The following DMD variants were observed in gnomAD, a reference collection of about 807,000 sequenced individuals.
DMD encodes the protein mutant dystrophin.
In DMD, 63 loss-of-function variants were observed where a neutral mutation model predicts 330.1. The ratio of observed to expected loss-of-function variants is 0.19; its 90% confidence interval spans 0.16 to 0.24. The LOEUF is 0.24. Among genes scored for constraint, DMD ranks in the 10% least tolerant of loss-of-function variants. The pLI is 1.00. For synonymous variants in DMD, 1,223 were observed against 959.8 expected (o/e 1.27, Z -5.07); for missense variants, 3,344 against 2,684.1 (o/e 1.25, Z -5.43).
chrX:31,373,879 A>G (rs1170183272), intron 60 of DMD, among the ~76,000 whole-genome samples: 1 of 109,555 alleles, frequency 9.1e-6, no homozygotes, highest in Non-Finnish European at 1.9e-5. Flanking sequence ...CAGAGTGAAC[A>G]GGCAACCTAC....
At chrX:33,067,080 A>C (rs1380118891) in intron 1 of DMD, among the ~76,000 whole-genome samples, 1 of 112,483 alleles carries the variant, frequency 8.9e-6, no homozygotes, top group Non-Finnish European at 1.9e-5. Flanking sequence ...TGAAAGAGAC[A>C]GAAAACACAG....
intron 2 of DMD, among the ~76,000 whole-genome samples, chrX:32,855,998 G>A (rs187650861): frequency 2.7e-5 from 3 of 111,703 alleles, no homozygotes; most frequent in Admixed American, 9.5e-5. Context: ...TTGAAAGAAG[G>A]GCAAAAATTT....
intron 44 of DMD, among the ~76,000 whole-genome samples, chrX:32,041,283 C>T (rs769191508): frequency 2.4e-4 from 27 of 111,755 alleles, no homozygotes; most frequent in Non-Finnish European, 4.0e-4. Flanking sequence ...CTGTTTCGCC[C>T]ACATTGAAAA....
intron 44 of DMD, among the ~76,000 whole-genome samples, chrX:32,041,562 G>A (rs1425704463): frequency 1.8e-5 from 2 of 111,735 alleles, no homozygotes; most frequent in African/African-American, 6.5e-5. Flanking sequence ...TCATATGTTT[G>A]AGTGTTTTGT....
At chrX:32,335,895 GT>G (rs1421997316) in intron 41 of DMD, among the ~76,000 whole-genome samples, 1 of 102,998 alleles carries the variant, frequency 9.7e-6, no homozygotes, top group African/African-American at 3.6e-5. Flanking sequence ...TATATAACAT[GT>G]TATACATATA....
chrX:32,355,253 T>C (rs2097795117), intron 37 of DMD, among the ~76,000 whole-genome samples: 1 of 111,043 alleles, frequency 9.0e-6, no homozygotes, highest in Admixed American at 9.6e-5. Flanking sequence ...GGCAGTAAAC[T>C]ATGCTGAGTC....
chrX:32,290,623 T>A (rs2097463098), intron 42 of DMD, among the ~76,000 whole-genome samples: 1 of 112,333 alleles, frequency 8.9e-6, no homozygotes, highest in African/African-American at 3.2e-5. Flanking sequence ...TTCTTCCTAG[T>A]ACGAATTTTG....
intron 2 of DMD, among the ~76,000 whole-genome samples, chrX:32,975,127 AT>A (rs1235436699): frequency 1.0e-4 from 11 of 106,861 alleles, no homozygotes; most frequent in Middle Eastern, 4.8e-3. Context: ...TTGAAGCATC[AT>A]TTTTTTTTTC....
Position 32,518,064 on chromosome X carries a change from C to G in DMD, c.2236G>C (p.Glu746Gln). ...CCTTCCTTCCGAAAGATTGCAAATT[C>G]AGGACTCTGCAACACAGCTTCTGAG... Reference protein sequence around the residue: ...TRSEAVLQSPEFAIFRKEGNF... With the variant: ...TRSEAVLQSPQFAIFRKEGNF... The change falls in exon 18 of 79, where the codon GAA becomes CAA. Residue 746 changes from glutamate to glutamine, a missense_variant. Transcript: ENST00000357033. 2 of 1,209,726 alleles carry G rather than the reference C, an allele frequency of 1.7e-6. No homozygotes were observed. The highest frequency in any genetic ancestry group is 3.0e-5 in the East Asian group (1 of 33,812).
chrX:32,007,214 TATAATAATAATAATA>T (rs200080398), intron 44 of DMD, among the ~76,000 whole-genome samples: 3 of 94,465 alleles, frequency 3.2e-5, no homozygotes, highest in Admixed American at 1.2e-4. Flanking sequence ...AAACTTAAAG[TATAATAATAATAATA>T]ATAATAATAA....
At chrX:32,234,642 G>T (rs912626081) in intron 43 of DMD, among the ~76,000 whole-genome samples, 2 of 111,762 alleles carry the variant, frequency 1.8e-5, no homozygotes, top group Non-Finnish European at 3.8e-5. Context: ...TACTCGTTTT[G>T]ATCACATATC....
intron 44 of DMD, among the ~76,000 whole-genome samples, chrX:32,108,486 C>A (rs1454909230): frequency 9.0e-6 from 1 of 111,424 alleles, no homozygotes. Flanking sequence ...AGAACAAGAA[C>A]AAACACTAGC....
At chrX:31,801,752 G>A (rs1285871029) in intron 50 of DMD, among the ~76,000 whole-genome samples, 3 of 111,389 alleles carry the variant, frequency 2.7e-5, no homozygotes, top group African/African-American at 6.5e-5. Flanking sequence ...TAGGTAAGGA[G>A]GAGGCAGAGT....
intron 11 of DMD, among the ~76,000 whole-genome samples, chrX:32,630,414 A>G (rs1457078464): frequency 9.2e-6 from 1 of 108,703 alleles, no homozygotes; most frequent in African/African-American, 3.4e-5. Flanking sequence ...AGGTAGTCTT[A>G]TTTATATTAT....
intron 7 of DMD, among the ~76,000 whole-genome samples, chrX:32,745,414 G>T (rs1045038057): frequency 8.9e-6 from 1 of 111,946 alleles, no homozygotes; most frequent in Non-Finnish European, 1.9e-5. Context: ...TCTTTCTCTT[G>T]TCTTTTGAAA....
chrX:32,518,608 G>A (rs2046100507), intron 17 of DMD, among the ~76,000 whole-genome samples: 1 of 111,321 alleles, frequency 9.0e-6, no homozygotes, highest in South Asian at 3.7e-4. Flanking sequence ...AGTACTGCAA[G>A]TAAGGTTTTG....
chrX:31,490,243 A>G (rs1351197841), intron 57 of DMD, among the ~76,000 whole-genome samples: 1 of 112,456 alleles, frequency 8.9e-6, no homozygotes, highest in East Asian at 2.8e-4. Context: ...TAGAAACTCT[A>G]AGAGGCCAGG....
intron 4 of DMD, among the ~76,000 whole-genome samples, chrX:32,833,752 A>T (rs973202084): frequency 6.9e-4 from 75 of 108,330 alleles, no homozygotes; most frequent in Non-Finnish European, 9.8e-4. Flanking sequence ...CTTGAGTGAC[A>T]TTATAAGAAA....
At position 32,907,006 on chromosome X, in the gene DMD, T is replaced by A. The variant is rs766823090; in HGVS notation, c.94-57186A>T. On this transcript the variant is annotated intron_variant, in intron 2 of 78. Transcript: ENST00000357033. ...AAAGAACTAATTTCCTGAAAGATTTTAAAAATCACTTAGTCTCTGTATTTG... is the reference window on the plus strand; with the variant it reads ...AAAGAACTAATTTCCTGAAAGATTTAAAAAATCACTTAGTCTCTGTATTTG... Among the ~76,000 whole-genome samples, 5 of 112,535 alleles carry A rather than the reference T, an allele frequency of 4.4e-5. No homozygotes were observed. The Admixed American group carries it at 4.7e-4, about 11-fold the overall frequency.
Sources: gnomAD v4.1 joint callset for allele counts (sites outside exome capture counted in the v4.1 genomes callset) on GRCh38, gnomAD v4.1.1 for gene constraint, MANE v1.5 for transcripts, NCBI Gene and HGNC (gene_info 2026-07-23, HGNC 2026-07-21) for gene names.